Variants in SGPL1 observed in about 807,000 individuals in gnomAD.
SGPL1 encodes sphingosine-1-phosphate lyase 1.
A neutral mutation model predicts 68.9 loss-of-function variants in SGPL1; 37 were observed. That is an observed-to-expected ratio of 0.54 (90% CI 0.41 to 0.71). The LOEUF is 0.71. SGPL1 is among the 30% of genes least tolerant of loss of function. The probability of loss-of-function intolerance (pLI) is 0.00; values close to 1 mark genes in which losing one functional copy is unlikely to be tolerated. For missense variants in SGPL1, 551 were observed against 704.6 expected (o/e 0.78, Z 2.47); for synonymous variants, 236 against 248.5 (o/e 0.95, Z 0.47).
intron 5 of SGPL1, among the ~76,000 whole-genome samples, chr10:70,855,251 CTATCTT>C (rs888805194): frequency 3.3e-5 from 5 of 152,212 alleles, no homozygotes; most frequent in African/African-American, 1.2e-4. Flanking sequence ...CAGATGGTGT[CTATCTT>C]TATGCATGTA....
Position 70,869,825 on chromosome 10 carries a change from C to G in SGPL1, c.738C>G (p.Asn246Lys), listed in dbSNP as rs1846259905. ...CCCAAAGTGCCCATGCTGCATTTAA[C>G]AAAGCAGCCAGTTACTTTGGGATGA... ...VAPQSAHAAF[N>K]KAASYFGMKI... The change falls in exon 9 of 15, where the codon AAC becomes AAG. Residue 246 changes from asparagine (N) to lysine (K), a missense_variant. By Grantham distance (94) the Asn-to-Lys change is moderately conservative (BLOSUM62 0). Transcript: ENST00000373202. The G allele has an allele frequency of 6.2e-7, 1 of 1,614,080 alleles. No homozygotes were observed.
intron 7 of SGPL1, 82 bp from the exon 8 acceptor site, chr10:70,868,263 A>G: frequency 2.1e-6 from 2 of 964,460 alleles, no homozygotes; most frequent in South Asian, 1.6e-5. Flanking sequence ...CTGTTTCTGT[A>G]TCAAACATTG....
intron 2 of SGPL1, among the ~76,000 whole-genome samples, chr10:70,835,026 CCT>C (rs1845602010): frequency 1.5e-5 from 1 of 66,008 alleles, no homozygotes; most frequent in Non-Finnish European, 3.6e-5. Context: ...CAGCCATTCT[CCT>C]CTGCAGATTC....
rs1200074832 is a variant in SGPL1, at chr10:70,875,619, C to G, written c.1445+71C>G. The G allele has an allele frequency of 2.3e-6, 3 of 1,280,262 alleles. No individual in the cohort carries two copies. The African/African-American group carries it at 4.4e-5, about 19-fold the overall frequency. The allele number at this position is 1,280,262 out of a possible 1,614,324, so 79.3% of individuals were successfully genotyped here. A position where few individuals can be genotyped will look rare whatever the true frequency, so the allele number is the denominator to read the frequency against. ...GGAAGAACTTGGGTGGTACAGTAAC[C>G]TGAAGTATAGAGTTTGACTGCTAGA... On this transcript the variant is annotated intron_variant, in intron 13 of 14. Transcript: ENST00000373202.
chr10:70,843,575 T>A (rs909788957), intron 2 of SGPL1, among the ~76,000 whole-genome samples: 1 of 152,176 alleles, frequency 6.6e-6, no homozygotes, highest in African/African-American at 2.4e-5. Flanking sequence ...ATAGGACTTA[T>A]CAAAAATGAG....
chr10:70,853,167 C>T (rs1437675261), intron 4 of SGPL1, among the ~76,000 whole-genome samples: 2 of 152,186 alleles, frequency 1.3e-5, no homozygotes, highest in South Asian at 2.1e-4. Context: ...TCTTCACATC[C>T]ATAGCATGCC....
intron 2 of SGPL1, among the ~76,000 whole-genome samples, chr10:70,828,008 CTA>C (rs1358965608): frequency 6.6e-6 from 1 of 152,102 alleles, no homozygotes; most frequent in African/African-American, 2.4e-5. Flanking sequence ...CAATGTATAA[CTA>C]TATTATAACT....
chr10:70,839,198 CAA>C (rs1402146342), intron 2 of SGPL1, among the ~76,000 whole-genome samples: 1 of 152,084 alleles, frequency 6.6e-6, no homozygotes. Context: ...ATGGAATAAA[CAA>C]GAGAAAGGCT....
rs1845565659 is a variant in SGPL1 at position 70,832,780 on chromosome 10, A to G, written c.28-11693A>G. Among the ~76,000 whole-genome samples, 2 of 152,092 alleles carry G rather than the reference A, an allele frequency of 1.3e-5. 1 individual carries two copies. Among genetic ancestry groups the G allele is most frequent in the South Asian group, 4.2e-4 (2 of 4,816 alleles). ...CAAATTTGCATATTTTTCCCCCCAT[A>G]TCTTACCTACTTGCCTTAGGCTGGG... On this transcript the variant is annotated intron_variant, in intron 2 of 14. Transcript: ENST00000373202.
intron 7 of SGPL1, chr10:70,866,429 A>G (rs1479285600): frequency 6.6e-6 from 1 of 152,170 alleles, no homozygotes; most frequent in African/African-American, 2.4e-5. Context: ...AGGTATTCCT[A>G]CTTTTACAGT....
At chr10:70,847,676 C>A (rs1317662142) in intron 3 of SGPL1, among the ~76,000 whole-genome samples, 2 of 152,080 alleles carry the variant, frequency 1.3e-5, no homozygotes, top group Non-Finnish European at 2.9e-5. Context: ...TTAGCACATA[C>A]ACACACAGCA....
At chr10:70,862,509 C>T (rs762195651) in intron 7 of SGPL1, among the ~76,000 whole-genome samples, 1 of 152,126 alleles carries the variant, frequency 6.6e-6, no homozygotes, top group Non-Finnish European at 1.5e-5. Flanking sequence ...CGCTCGGGTC[C>T]CCTTCCACAC....
chr10:70,832,079 T>C (rs1262847752), intron 2 of SGPL1, among the ~76,000 whole-genome samples: 1 of 152,188 alleles, frequency 6.6e-6, no homozygotes, highest in Non-Finnish European at 1.5e-5. Flanking sequence ...AATATATACG[T>C]ATAACATCAC....
Position 70,854,725 on chromosome 10 carries a change from C to T in SGPL1, c.279C>T (p.Asn93=). ...CTTTGGAGATTCAAGACAAGTTGAA[C>T]AAGACCAAGGATGATATTAGCAAGA... is the stretch of plus-strand genomic sequence containing the variant. ...IIGRKIQDKL[N]KTKDDISKNM... Residue 93 remains asparagine (N), a synonymous_variant, in exon 5 of 15, where the codon AAC becomes AAT. Transcript: ENST00000373202. 6.2e-7 allele frequency: 1 copy of T among 1,610,958 alleles called. No individual in the cohort carries two copies. Among genetic ancestry groups the T allele is most frequent in the Non-Finnish European group, 8.5e-7 (1 of 1,178,906 alleles).
intron 7 of SGPL1, among the ~76,000 whole-genome samples, chr10:70,862,747 A>T (rs758733111): frequency 1.4e-4 from 21 of 152,102 alleles, no homozygotes; most frequent in Non-Finnish European, 2.8e-4. Context: ...TGAGCCAGCG[A>T]GACCACGAAC....
Position 70,872,409 on chromosome 10 carries a change from A to G in SGPL1, c.1059+423A>G, listed in dbSNP as rs966121614. 4.6e-5 allele frequency among the ~76,000 whole-genome samples: 7 copies of G among 152,202 alleles called. No individual in the cohort carries two copies. The East Asian group carries it at 1.2e-3, about 25-fold the overall frequency. On this transcript the variant is annotated intron_variant, in intron 11 of 14. Coordinates refer to ENST00000373202, the MANE Select transcript of SGPL1 (RefSeq NM_003901.4). ...TGTGCAACTGGGCTCCTGAGCGTAC[A>G]TGACGGGAAAATGTTGACGGAAGAG...
chr10:70,850,266 C>T (rs1446025215), intron 3 of SGPL1, among the ~76,000 whole-genome samples: 1 of 152,152 alleles, frequency 6.6e-6, no homozygotes. Flanking sequence ...CCTCCCACCT[C>T]GGCCTCCCAC....
At position 70,873,371 on chromosome 10, in the gene SGPL1, C is replaced by T. The variant is rs1334651532; in HGVS notation, c.1080C>T (p.Gly360=). The change falls in exon 12 of 15, where the codon GGC becomes GGT. Residue 360 remains glycine (G), a synonymous_variant. Coordinates refer to ENST00000373202, the MANE Select transcript of SGPL1 (RefSeq NM_003901.4). The part of the protein sequence containing the change: ...DTHKYGYAPK[G]SSLVLYSDKK... Reference sequence around the variant, plus strand: ...CACAGTATGGCTATGCCCCAAAAGGCTCATCATTGGTGTTGTATAGTGACA... The same window carrying T: ...CACAGTATGGCTATGCCCCAAAAGGTTCATCATTGGTGTTGTATAGTGACA... 10 of 1,613,948 alleles carry T rather than the reference C, an allele frequency of 6.2e-6. No homozygotes were observed. The highest frequency in any genetic ancestry group is 7.6e-6 in the Non-Finnish European group (9 of 1,179,906).
At chr10:70,816,753 C>A in intron 1 of SGPL1, 58 bp from the exon 2 acceptor site, 2 of 1,196,266 alleles carry the variant, frequency 1.7e-6, no homozygotes, top group Non-Finnish European at 2.5e-6. Flanking sequence ...CGAATCTAGG[C>A]GGGCTGGCGA....
Sources: allele counts gnomAD v4.1 joint callset (sites outside exome capture counted in the v4.1 genomes callset), GRCh38; gene constraint gnomAD v4.1.1; transcripts MANE v1.5; gene names NCBI Gene and HGNC (gene_info 2026-07-23, HGNC 2026-07-21).